EDEM3: variants seen among roughly 807,000 people sequenced by gnomAD.
EDEM3 encodes ER degradation-enhancing alpha-mannosidase-like protein 3.
EDEM3 carries 60 observed loss-of-function variants against 110.2 expected under a neutral mutation model. The ratio of observed to expected loss-of-function variants is 0.54; its 90% confidence interval spans 0.44 to 0.67. EDEM3 has a LOEUF of 0.67. Among genes scored for constraint, EDEM3 ranks in the 30% least tolerant of loss-of-function variants. The probability of loss-of-function intolerance (pLI) is 0.00; values close to 1 mark genes in which losing one functional copy is unlikely to be tolerated. For missense variants in EDEM3, 996 were observed against 1,121.0 expected (o/e 0.89, Z 1.59); for synonymous variants, 352 against 382.9 (o/e 0.92, Z 0.94).
chr1:184,715,317 TTCTGAAC>T (rs1650486419), intron 13 of EDEM3, among the ~76,000 whole-genome samples: 1 of 152,204 alleles, frequency 6.6e-6, no homozygotes, highest in South Asian at 2.1e-4. Context: ...AAAAATAGAA[TTCTGAAC>T]AGTAAATCAT....
At position 184,753,462 on chromosome 1, in the gene EDEM3, A is replaced by T. The variant is rs545712176; in HGVS notation, c.158+1027T>A. On this transcript the variant is annotated intron_variant, in intron 1 of 19. Transcript: ENST00000318130. The stretch of plus-strand genomic sequence containing the variant: ...CGCTCTTGTTGCCCAGGCTGGATCT[A>T]TCTCTGCATTAAGAGTGCTTTTATT... Among the ~76,000 whole-genome samples, 8 of 144,484 alleles carry T rather than the reference A, an allele frequency of 5.5e-5. No individual in the cohort carries two copies. The South Asian group carries it at 1.1e-3, about 19-fold the overall frequency. The allele number at this position is 144,484 out of a possible 152,430, so 94.8% of individuals were successfully genotyped here. A position where few individuals can be genotyped will look rare whatever the true frequency, so the allele number is the denominator to read the frequency against.
rs1571334983 is a variant in EDEM3, at chr1:184,692,145, C to G, written c.*1918G>C. On this transcript the variant is annotated 3_prime_UTR_variant, in exon 20 of 20. Transcript: ENST00000318130. ...CTGCTCATTTTCTCCAAGCCCCAGT[C>G]CTATAAATCAAGGCAAGTCAAGTAA... 1 of 152,232 alleles carries G rather than the reference C, an allele frequency of 6.6e-6. No individual in the cohort carries two copies. Among genetic ancestry groups the G allele is most frequent in the Middle Eastern group, 3.4e-3 (1 of 294 alleles). 9.4% of individuals were successfully genotyped at this position (152,232 alleles called of 1,614,324 possible).
intron 6 of EDEM3, among the ~76,000 whole-genome samples, chr1:184,729,391 T>C (rs1651372366): frequency 6.6e-6 from 1 of 152,202 alleles, no homozygotes; most frequent in Admixed American, 6.5e-5. Flanking sequence ...AGAATTCTTA[T>C]TAACCTTATA....
At chr1:184,749,616 G>GAAAAAAAAAA in intron 1 of EDEM3, 24 bp from the exon 2 acceptor site, 9 of 1,136,214 alleles carry the variant, frequency 7.9e-6, no homozygotes. Flanking sequence ...AGCAGAAATG[G>GAAAAAAAAAA]AAAAAAAAAA....
rs1651901977 is a variant in EDEM3, at chr1:184,737,578, A to AGATGC, written c.305+28_305+32dup. 3 of 1,597,454 alleles carry AGATGC rather than the reference A, an allele frequency of 1.9e-6. No homozygotes were observed. In the Middle Eastern group the frequency reaches 5.0e-4, roughly 265 times the overall value. ...AAAAGTCTAAGACTTGGGAACTCTG[A>AGATGC]GATGCCATGCCATGCCCTGTGTTAA... On this transcript the variant is annotated intron_variant, in intron 3 of 19. Coordinates refer to ENST00000318130, the MANE Select transcript of EDEM3 (RefSeq NM_025191.4).
intron 5 of EDEM3, among the ~76,000 whole-genome samples, chr1:184,734,234 C>T (rs1180295572): frequency 6.6e-6 from 1 of 152,078 alleles, no homozygotes; most frequent in Non-Finnish European, 1.5e-5. Context: ...TCTGGGAGGC[C>T]GAGGCAGGCA....
chr1:184,717,526 G>A lies in EDEM3; in HGVS notation c.1245+14C>T. 1 of 1,590,888 alleles carries A rather than the reference G, an allele frequency of 6.3e-7. No individual in the cohort carries two copies. Among genetic ancestry groups the A allele is most frequent in the Non-Finnish European group, 8.6e-7 (1 of 1,165,868 alleles). On this transcript the variant is annotated intron_variant, in intron 12 of 19. Coordinates refer to ENST00000318130, the MANE Select transcript of EDEM3 (RefSeq NM_025191.4). ...GAGGCTAAACTTTAAGTAAAATGGGGTATATTTTCTTACTTTATATAAGAA... is the reference window on the plus strand; with the variant it reads ...GAGGCTAAACTTTAAGTAAAATGGGATATATTTTCTTACTTTATATAAGAA...
Position 184,706,496 on chromosome 1 carries a change from A to G in EDEM3, c.2203+147T>C, listed in dbSNP as rs147349315. The G allele has an allele frequency of 3.5e-3, 2,051 of 588,078 alleles. 19 individuals are homozygous for G. The highest frequency in any genetic ancestry group is 0.024 in the East Asian group (791 of 33,512). 36.4% of individuals were successfully genotyped at this position (588,078 alleles called of 1,614,324 possible). A position where few individuals can be genotyped will look rare whatever the true frequency, so the allele number is the denominator to read the frequency against. On this transcript the variant is annotated intron_variant, in intron 18 of 19. Coordinates refer to ENST00000318130, the MANE Select transcript of EDEM3 (RefSeq NM_025191.4). ...AAGATGTTAGATATCTAGAAATTAA[A>G]AGTCATTGGATTACCTATCCTTGTT... is the stretch of plus-strand genomic sequence containing the variant.
chr1:184,730,082 G>A (rs886555269), intron 6 of EDEM3, among the ~76,000 whole-genome samples: 2 of 151,904 alleles, frequency 1.3e-5, no homozygotes, highest in African/African-American at 4.8e-5. Flanking sequence ...CATTAAGTTG[G>A]CAAAATAATA....
chr1:184,724,434 C>T (rs1401852245), intron 7 of EDEM3, among the ~76,000 whole-genome samples: 1 of 152,128 alleles, frequency 6.6e-6, no homozygotes, highest in Admixed American at 6.5e-5. Flanking sequence ...AACCTTATGA[C>T]ATGTTTGTCT....
At chr1:184,748,088 A>AATT (rs1401378622) in intron 2 of EDEM3, among the ~76,000 whole-genome samples, 1 of 152,160 alleles carries the variant, frequency 6.6e-6, no homozygotes. Context: ...GCCCAAACTG[A>AATT]ATTAACCAGG....
intron 5 of EDEM3, among the ~76,000 whole-genome samples, chr1:184,734,270 A>C (rs1359760759): frequency 6.6e-6 from 1 of 152,154 alleles, no homozygotes; most frequent in Non-Finnish European, 1.5e-5. Flanking sequence ...GGCATTCGGG[A>C]CCAGCCTGGC....
chr1:184,719,695 T>C, intron 9 of EDEM3, 127 bp from the exon 10 acceptor site: 1 of 891,658 alleles, frequency 1.1e-6, no homozygotes, highest in South Asian at 2.4e-5. Flanking sequence ...TAACTACCAA[T>C]TTATATAAAT....
rs1220347456 is a variant in EDEM3, at chr1:184,690,275, C to T, written c.*3788G>A. The stretch of plus-strand genomic sequence containing the variant: ...CTAGAGTTTTATTCACTTAGCATTA[C>T]CTTTGTGCATGCTACTGACTTGTTG... On this transcript the variant is annotated 3_prime_UTR_variant, in exon 20 of 20. Coordinates refer to ENST00000318130, the MANE Select transcript of EDEM3 (RefSeq NM_025191.4). 6.6e-6 allele frequency: 1 copy of T among 152,162 alleles called. No homozygotes were observed. The highest frequency in any genetic ancestry group is 2.4e-5 in the African/African-American group (1 of 41,386). 9.4% of individuals were successfully genotyped at this position (152,162 alleles called of 1,614,324 possible).
chr1:184,749,654 T>C, intron 1 of EDEM3, 62 bp from the exon 2 acceptor site: 1 of 1,328,572 alleles, frequency 7.5e-7, no homozygotes, highest in South Asian at 1.5e-5. Flanking sequence ...TTCTATTTAT[T>C]ATCTTTCAAA....
At chr1:184,751,094 T>C (rs1350665585) in intron 1 of EDEM3, among the ~76,000 whole-genome samples, 9 of 77,258 alleles carry the variant, frequency 1.2e-4, no homozygotes, top group African/African-American at 2.6e-4. Context: ...CTTAAAAACA[T>C]TTCATTATTT....
intron 1 of EDEM3, among the ~76,000 whole-genome samples, chr1:184,751,661 A>T (rs1652774734): frequency 4.6e-5 from 7 of 152,204 alleles, no homozygotes; most frequent in Admixed American, 4.6e-4. Flanking sequence ...AAATTTCCAT[A>T]ATGTTTTATC....
intron 11 of EDEM3, among the ~76,000 whole-genome samples, chr1:184,718,119 C>A (rs964393674): frequency 2.0e-5 from 3 of 151,948 alleles, no homozygotes; most frequent in Non-Finnish European, 2.9e-5. Flanking sequence ...TCACATAGTT[C>A]TCTTTTTTTG....
intron 4 of EDEM3, among the ~76,000 whole-genome samples, chr1:184,736,578 C>A (rs1321733768): frequency 6.6e-6 from 1 of 152,050 alleles, no homozygotes; most frequent in Non-Finnish European, 1.5e-5. Flanking sequence ...AAAAGGAGTA[C>A]CAAGAAGTGA....
Sources: allele counts gnomAD v4.1 joint callset (sites outside exome capture counted in the v4.1 genomes callset), GRCh38; gene constraint gnomAD v4.1.1; transcripts MANE v1.5; gene names NCBI Gene and HGNC (gene_info 2026-07-23, HGNC 2026-07-21).